Variants in PRKN observed in about 807,000 individuals in gnomAD.
The protein encoded by PRKN is E3 ubiquitin-protein ligase parkin.
In PRKN, 56 loss-of-function variants were observed where a neutral mutation model predicts 59.5. The ratio of observed to expected loss-of-function variants is 0.94; its 90% CI spans 0.76 to 1.18. The LOEUF is 1.18. Among genes scored for constraint, PRKN ranks in the 50% most tolerant of loss-of-function variants. PRKN has a pLI of 0.00. For missense variants in PRKN, 657 were observed against 596.4 expected (o/e 1.10, Z -1.06); for synonymous variants, 250 against 222.1 (o/e 1.13, Z -1.12).
intron 2 of PRKN, among the ~76,000 whole-genome samples, chr6:162,413,849 G>T (rs1213528397): frequency 6.6e-6 from 1 of 152,160 alleles, no homozygotes; most frequent in African/African-American, 2.4e-5. Flanking sequence ...ACACAGGCAG[G>T]CTGCTATGCT....
chr6:162,441,104 T>G (rs1343092272), intron 2 of PRKN, among the ~76,000 whole-genome samples: 4 of 151,970 alleles, frequency 2.6e-5, no homozygotes, highest in Admixed American at 2.6e-4. Flanking sequence ...AGACACAAGT[T>G]CTCAACAGCC....
chr6:162,191,979 C>T (rs1464401565), intron 4 of PRKN, among the ~76,000 whole-genome samples: 2 of 152,090 alleles, frequency 1.3e-5, no homozygotes, highest in Admixed American at 6.6e-5. Context: ...AACAAACCAA[C>T]CAAGTTTTTA....
intron 9 of PRKN, among the ~76,000 whole-genome samples, chr6:161,509,059 G>A (rs1330723743): frequency 3.9e-5 from 6 of 152,136 alleles, no homozygotes; most frequent in African/African-American, 2.4e-5. Flanking sequence ...GGTCAGGCTA[G>A]TCTCGAACTC....
At chr6:162,195,688 G>C (rs556905213) in intron 4 of PRKN, among the ~76,000 whole-genome samples, 2 of 152,316 alleles carry the variant, frequency 1.3e-5, no homozygotes, top group Admixed American at 6.5e-5. Context: ...TAATTACGGT[G>C]ATTGTAGCGG....
intron 1 of PRKN, among the ~76,000 whole-genome samples, chr6:162,571,719 C>G (rs80062183): frequency 1.3e-5 from 2 of 152,080 alleles, no homozygotes; most frequent in Non-Finnish European, 2.9e-5. Flanking sequence ...GCTGGCACTT[C>G]AGGGAGAAGC....
chr6:161,437,393 A>G (rs1788971765), intron 9 of PRKN, among the ~76,000 whole-genome samples: 1 of 152,210 alleles, frequency 6.6e-6, no homozygotes, highest in African/African-American at 2.4e-5. Flanking sequence ...AACTCAGAAC[A>G]GTGAGCAATT....
intron 6 of PRKN, among the ~76,000 whole-genome samples, chr6:161,908,361 T>C (rs1338467270): frequency 6.6e-6 from 1 of 152,154 alleles, no homozygotes; most frequent in Admixed American, 6.5e-5. Context: ...AATTCAACTG[T>C]ATGTTCCTTC....
At chr6:162,207,189 G>A (rs771917411) in intron 3 of PRKN, among the ~76,000 whole-genome samples, 3 of 152,066 alleles carry the variant, frequency 2.0e-5, no homozygotes, top group African/African-American at 4.8e-5. Context: ...TGGCTAACAC[G>A]ATGAAACCCC....
At chr6:161,953,816 G>C (rs1329104820) in intron 6 of PRKN, among the ~76,000 whole-genome samples, 1 of 152,164 alleles carries the variant, frequency 6.6e-6, no homozygotes, top group African/African-American at 2.4e-5. Flanking sequence ...GACGCACCCT[G>C]AATTTCAGAT....
chr6:162,654,695 G>T (rs888079158), intron 1 of PRKN, among the ~76,000 whole-genome samples: 2 of 152,140 alleles, frequency 1.3e-5, no homozygotes, highest in Non-Finnish European at 2.9e-5. Context: ...ACATACCTGA[G>T]ACTGGGTAAT....
At position 162,299,443 on chromosome 6, in the gene PRKN, TA is replaced by T. The variant is rs201034267; in HGVS notation, c.172-36679del. ...CCCTCTTTGTGAGCAGCTTCTTCGA[TA>T]AAAACAGTCTATTTTTTTCCCAGGT... On this transcript the variant is annotated intron_variant, in intron 2 of 11. Coordinates refer to ENST00000366898, the MANE Select transcript of PRKN (RefSeq NM_004562.3). Among the ~76,000 whole-genome samples the T allele has an allele frequency of 7.3e-3, 1,106 of 152,186 alleles. 13 individuals carry two copies. Among genetic ancestry groups the T allele is most frequent in the African/African-American group, 0.025 (1,039 of 41,496 alleles).
chr6:162,385,803 A>C (rs1786771494), intron 2 of PRKN, among the ~76,000 whole-genome samples: 1 of 152,132 alleles, frequency 6.6e-6, no homozygotes, highest in Non-Finnish European at 1.5e-5. Flanking sequence ...TTTCTGAACA[A>C]AAGGAAATTA....
At chr6:161,619,065 G>T (rs975194383) in intron 7 of PRKN, among the ~76,000 whole-genome samples, 1 of 152,104 alleles carries the variant, frequency 6.6e-6, no homozygotes, top group South Asian at 2.1e-4. Flanking sequence ...TCCTGGCAGA[G>T]CCTGAAGTGG....
intron 1 of PRKN, among the ~76,000 whole-genome samples, chr6:162,546,462 CT>C (rs1247960418): frequency 8.0e-4 from 115 of 144,386 alleles, no homozygotes; most frequent in Admixed American, 9.1e-4. Flanking sequence ...GAAACAAACT[CT>C]TTTTTTTTTT....
At chr6:162,682,367 C>T (rs1168076256) in intron 1 of PRKN, among the ~76,000 whole-genome samples, 7 of 152,214 alleles carry the variant, frequency 4.6e-5, no homozygotes. Context: ...AGATGCCCAT[C>T]AATGGTAGCC....
intron 4 of PRKN, among the ~76,000 whole-genome samples, chr6:162,101,814 A>G (rs1779982695): frequency 6.6e-6 from 1 of 152,184 alleles, no homozygotes; most frequent in South Asian, 2.1e-4. Flanking sequence ...AGCTTTATTT[A>G]CATAACTACT....
rs117163353 is a variant in PRKN at position 161,459,385 on chromosome 6, G to A, written c.1084-72508C>T. Among the ~76,000 whole-genome samples, 385 of 152,284 alleles carry A rather than the reference G, an allele frequency of 2.5e-3. 11 individuals carry two copies. The East Asian group carries it at 0.039, about 15-fold the overall frequency. ...GAATTAAGTAATTCATTTGGTTTTA[G>A]TTTACTTTTGAGAAAGTCCAAGCTG... On this transcript the variant is annotated intron_variant, in intron 9 of 11. Coordinates refer to ENST00000366898, the MANE Select transcript of PRKN (RefSeq NM_004562.3). This position sits in a 1 kb window ranked among gnomAD's most constrained non-coding sequence, Gnocchi z 4.8.
At chr6:161,843,113 G>A (rs746772893) in intron 6 of PRKN, among the ~76,000 whole-genome samples, 1 of 152,088 alleles carries the variant, frequency 6.6e-6, no homozygotes, top group Non-Finnish European at 1.5e-5. Flanking sequence ...AGGTTAATAA[G>A]GGTTAATAAT....
At chr6:162,333,983 T>C (rs1270723279) in intron 2 of PRKN, among the ~76,000 whole-genome samples, 2 of 152,018 alleles carry the variant, frequency 1.3e-5, no homozygotes, top group African/African-American at 4.8e-5. Flanking sequence ...GGATACAAGA[T>C]CGAAACAGCC....
Sources: gnomAD v4.1 joint callset for allele counts (sites outside exome capture counted in the v4.1 genomes callset) on GRCh38, gnomAD v4.1.1 for gene constraint, Gnocchi (gnomAD v3.1) non-coding constraint, MANE v1.5 for transcripts, NCBI Gene and HGNC (gene_info 2026-07-23, HGNC 2026-07-21) for gene names.